EXOC4: variants seen among roughly 807,000 people sequenced by gnomAD.
EXOC4 encodes exocyst complex component 4, also known as SEC8-like 1.
EXOC4 carries 71 observed loss-of-function variants against 107.2 expected under a neutral mutation model. The ratio of observed to expected loss-of-function variants is 0.66; its 90% CI spans 0.55 to 0.81. The LOEUF is 0.81. Ranked by LOEUF, EXOC4 falls within the 30% of genes least tolerant of loss-of-function variation. The pLI is 0.00. For synonymous variants in EXOC4, 456 were observed against 441.2 expected, an observed-to-expected ratio of 1.03 and a Z score of -0.42; for missense variants, 1,108 against 1,189.6, an observed-to-expected ratio of 0.93 and a Z score of 1.01.
intron 9 of EXOC4, among the ~76,000 whole-genome samples, chr7:133,483,044 C>T (rs1174751528): frequency 6.6e-6 from 1 of 152,208 alleles, no homozygotes; most frequent in Admixed American, 6.5e-5. Context: ...TGAGTACTTT[C>T]CATACTGCAT....
At chr7:133,817,024 G>C (rs1169395921) in intron 10 of EXOC4, among the ~76,000 whole-genome samples, 5 of 151,948 alleles carry the variant, frequency 3.3e-5, no homozygotes, top group Admixed American at 6.6e-5. Flanking sequence ...TGTGTTTTTT[G>C]TTTTTCACAT....
At chr7:133,774,194 G>A (rs1163266210) in intron 10 of EXOC4, among the ~76,000 whole-genome samples, 4 of 152,092 alleles carry the variant, frequency 2.6e-5, no homozygotes, top group Non-Finnish European at 5.9e-5. Flanking sequence ...TAACATCCCC[G>A]AAGAGCCAGG....
the EXOC4 span, among the ~76,000 whole-genome samples, chr7:134,083,633 C>G: frequency 6.6e-6 from 1 of 152,128 alleles, no homozygotes; most frequent in Non-Finnish European, 1.5e-5. Flanking sequence ...CAGAGCCCCT[C>G]CATGTGATCT....
the EXOC4 span, among the ~76,000 whole-genome samples, chr7:134,084,272 C>T: frequency 6.6e-6 from 1 of 152,156 alleles, no homozygotes; most frequent in African/African-American, 2.4e-5. Flanking sequence ...TGAATATTCT[C>T]GTGAAAGTCA....
At chr7:133,746,956 G>A (rs1227390112) in intron 10 of EXOC4, among the ~76,000 whole-genome samples, 2 of 152,108 alleles carry the variant, frequency 1.3e-5, no homozygotes, top group African/African-American at 2.4e-5. Context: ...AAGAGAGAAG[G>A]AAATAACTTG....
chr7:133,681,847 T>A (rs1794194269), intron 10 of EXOC4, among the ~76,000 whole-genome samples: 1 of 152,130 alleles, frequency 6.6e-6, no homozygotes, highest in Admixed American at 6.6e-5. Flanking sequence ...AATAAATTAA[T>A]ACATATGAAA....
chr7:133,365,075 G>C (rs757561860), intron 6 of EXOC4, among the ~76,000 whole-genome samples: 3 of 152,082 alleles, frequency 2.0e-5, no homozygotes, highest in Non-Finnish European at 2.9e-5. Flanking sequence ...GAGATAGCTG[G>C]ACATGTTGAG....
chr7:134,085,344 AAC>A, the EXOC4 span, among the ~76,000 whole-genome samples: 2 of 152,068 alleles, frequency 1.3e-5, no homozygotes, highest in African/African-American at 4.8e-5. Flanking sequence ...AAAAAAAAAA[AAC>A]CAACTTTTTT....
At chr7:133,860,848 A>G (rs141968178) in intron 11 of EXOC4, among the ~76,000 whole-genome samples, 2 of 151,268 alleles carry the variant, frequency 1.3e-5, no homozygotes, top group East Asian at 3.9e-4. Flanking sequence ...ATTAATATGT[A>G]TGATCTCAAC....
intron 7 of EXOC4, among the ~76,000 whole-genome samples, chr7:133,460,324 CTAACAGGCCATGGGCTGGTGCT>C (rs891352254): frequency 1.9e-4 from 29 of 152,148 alleles, no homozygotes; most frequent in African/African-American, 6.5e-4. Context: ...GGCCTGGTTC[CTAACAGGCCATGGGCTGGTGCT>C]GGTAACAGGC....
intron 5 of EXOC4, 116 bp downstream of exon 5, chr7:133,317,506 G>C: frequency 1.5e-6 from 1 of 678,646 alleles, no homozygotes; most frequent in Non-Finnish European, 2.6e-6. Flanking sequence ...GTGGGCCTGA[G>C]CTAGGTGTGT....
At chr7:133,944,252 A>G (rs1278296719) in intron 14 of EXOC4, among the ~76,000 whole-genome samples, 1 of 152,142 alleles carries the variant, frequency 6.6e-6, no homozygotes, top group Non-Finnish European at 1.5e-5. Context: ...CCCATATCAC[A>G]GTTATCACAT....
chr7:133,404,191 C>T (rs1797157850), intron 7 of EXOC4, among the ~76,000 whole-genome samples: 1 of 152,172 alleles, frequency 6.6e-6, no homozygotes, highest in Admixed American at 6.5e-5. Context: ...GCTCCGCTTC[C>T]CGGTTTCACG....
chr7:133,644,663 G>A (rs775905817), intron 10 of EXOC4, among the ~76,000 whole-genome samples: 19 of 152,226 alleles, frequency 1.2e-4, no homozygotes, highest in South Asian at 2.1e-4. Context: ...CTTAAAACCC[G>A]TGAATCTGAT....
intron 13 of EXOC4, among the ~76,000 whole-genome samples, chr7:133,928,668 C>G (rs999838342): frequency 6.6e-6 from 1 of 152,080 alleles, no homozygotes; most frequent in Non-Finnish European, 1.5e-5. Context: ...AGTAAGCAGA[C>G]CCTTAATAGT....
At chr7:134,024,719 G>A (rs535364714) in intron 17 of EXOC4, among the ~76,000 whole-genome samples, 4 of 152,264 alleles carry the variant, frequency 2.6e-5, no homozygotes, top group East Asian at 3.9e-4. Context: ...CTTACTGTGT[G>A]GGGGACAACC....
intron 9 of EXOC4, among the ~76,000 whole-genome samples, chr7:133,595,332 G>T (rs1173835136): frequency 2.0e-5 from 3 of 152,188 alleles, no homozygotes; most frequent in Non-Finnish European, 4.4e-5. Context: ...TAGAAAGTCT[G>T]TCTCTACCTT....
At position 133,349,476 on chromosome 7, in the gene EXOC4, C is replaced by T. The variant is rs1052842992; in HGVS notation, c.764-6854C>T. Among the ~76,000 whole-genome samples, 5 of 152,132 alleles carry T rather than the reference C, an allele frequency of 3.3e-5. No homozygotes were observed. The East Asian group carries it at 9.6e-4, about 29-fold the overall frequency. On this transcript the variant is annotated intron_variant, in intron 5 of 17. Coordinates refer to ENST00000253861, the MANE Select transcript of EXOC4 (RefSeq NM_021807.4). The stretch of plus-strand genomic sequence containing the variant: ...TACTCAAGGTTCATCCATGTTGTAG[C>T]ATGTGTCAGAATTTCCTTCCTTTTT...
chr7:133,759,390 A>G (rs1031880149), intron 10 of EXOC4, among the ~76,000 whole-genome samples: 2 of 152,216 alleles, frequency 1.3e-5, no homozygotes, highest in African/African-American at 2.4e-5. Context: ...TGATGAGATG[A>G]TGATGGTAAC....
Sources: allele counts gnomAD v4.1 joint callset (sites outside exome capture counted in the v4.1 genomes callset), GRCh38; gene constraint gnomAD v4.1.1; transcripts MANE v1.5; gene names NCBI Gene and HGNC (gene_info 2026-07-23, HGNC 2026-07-21).